ATG7: variants seen among roughly 807,000 people sequenced by gnomAD.
ATG7 encodes autophagy related 7, also known as ubiquitin-like modifier-activating enzyme ATG7.
A neutral mutation model predicts 82.4 loss-of-function variants in ATG7; 70 were observed. That is an observed-to-expected ratio of 0.85 (90% confidence interval 0.70 to 1.04). The LOEUF (loss-of-function observed/expected upper bound fraction) is 1.04. Among genes scored for constraint, ATG7 ranks in the 50% least tolerant of loss-of-function variants. The pLI, the probability that ATG7 is intolerant of heterozygous loss-of-function variation, is 0.00. For synonymous variants in ATG7, 287 were observed against 313.0 expected (o/e 0.92, Z 0.88); for missense variants, 792 against 864.3 (o/e 0.92, Z 1.05).
intron 9 of ATG7, among the ~76,000 whole-genome samples, chr3:11,321,026 A>G (rs1950146327): frequency 6.6e-6 from 1 of 152,220 alleles, no homozygotes; most frequent in South Asian, 2.1e-4. Context: ...TATGATCTGC[A>G]TGGCTGATTC....
In ATG7 at chr3:11,400,518, A is replaced by G. The variant is rs555431670; in HGVS notation, c.1956+20466A>G. On this transcript the variant is annotated intron_variant, in intron 19 of 20. Coordinates refer to ENST00000693202, the MANE Select transcript of ATG7 (RefSeq NM_001349232.2). ...AGACTACTGGGAATAACGTTGCCAT[A>G]TTTTCTGATTTTTTTTCCTTCGAAG... Among the ~76,000 whole-genome samples the G allele has an allele frequency of 3.4e-4, 51 of 152,186 alleles. 2 individuals carry two copies. The Middle Eastern group carries it at 0.02, about 61-fold the overall frequency.
chr3:11,482,429 C>T (rs1224106769), intron 20 of ATG7, among the ~76,000 whole-genome samples: 1 of 152,198 alleles, frequency 6.6e-6, no homozygotes, highest in Non-Finnish European at 1.5e-5. Context: ...AAGAAAGATG[C>T]TTATTACTAC....
intron 19 of ATG7, among the ~76,000 whole-genome samples, chr3:11,415,623 A>G (rs1345340261): frequency 6.6e-6 from 1 of 152,140 alleles, no homozygotes; most frequent in African/African-American, 2.4e-5. Flanking sequence ...GCCTACGCCT[A>G]CTCAGGGTCA....
At chr3:11,573,552 C>G in the ATG7 span, among the ~76,000 whole-genome samples, 1 of 152,290 alleles carries the variant, frequency 6.6e-6, no homozygotes, top group Admixed American at 6.5e-5. Context: ...ACTTTGCTGT[C>G]CCTCCGACGG....
At chr3:11,320,441 C>T (rs1950065656) in intron 9 of ATG7, among the ~76,000 whole-genome samples, 2 of 152,242 alleles carry the variant, frequency 1.3e-5, no homozygotes, top group African/African-American at 2.4e-5. Flanking sequence ...GCATACGCCA[C>T]CACACCTGGC....
At position 11,301,415 on chromosome 3, in the gene ATG7, C is replaced by T. The variant is rs181053845; in HGVS notation, c.215+1999C>T. 2.9e-3 allele frequency among the ~76,000 whole-genome samples: 446 copies of T among 152,246 alleles called. 2 individuals carry two copies. In the Middle Eastern group the frequency reaches 0.037, roughly 13 times the overall value. ...GGCTTTTGAAAGTGGCAATGGTCAA[C>T]TATTAGGATATTTAAAATAAAGTGT... is the stretch of plus-strand genomic sequence containing the variant. On this transcript the variant is annotated intron_variant, in intron 5 of 20. Coordinates refer to ENST00000693202, the MANE Select transcript of ATG7 (RefSeq NM_001349232.2).
chr3:11,422,740 C>CTTTTTTTTTTTT lies in ATG7; in HGVS notation c.1957-4046_1957-4035dup, dbSNP rs557755646. ...CCTCACTATGCTTAATCATTTCTAG[C>CTTTTTTTTTTTT]TTTTTTTTTTTTTTTTTTTTTTTTT... On this transcript the variant is annotated intron_variant, in intron 19 of 20. Coordinates refer to ENST00000693202, the MANE Select transcript of ATG7 (RefSeq NM_001349232.2). Among the ~76,000 whole-genome samples, 68 of 49,556 alleles carry CTTTTTTTTTTTT rather than the reference C, an allele frequency of 1.4e-3. 15 individuals carry two copies. Among genetic ancestry groups the CTTTTTTTTTTTT allele is most frequent in the African/African-American group, 3.2e-3 (32 of 9,876 alleles). The allele number at this position is 49,556 out of a possible 152,430, so 32.5% of individuals were successfully genotyped here. A position where few individuals can be genotyped will look rare whatever the true frequency, so the allele number is the denominator to read the frequency against.
At chr3:11,396,545 G>A (rs533780500) in intron 19 of ATG7, among the ~76,000 whole-genome samples, 3 of 152,228 alleles carry the variant, frequency 2.0e-5, no homozygotes, top group Admixed American at 6.5e-5. Flanking sequence ...TTAAGGCCGA[G>A]GTGGGCGGAT....
intron 19 of ATG7, among the ~76,000 whole-genome samples, chr3:11,389,772 C>T (rs947161012): frequency 1.3e-5 from 2 of 152,160 alleles, no homozygotes; most frequent in East Asian, 1.9e-4. Flanking sequence ...TGTGTTGAAT[C>T]GTAATCTGAA....
chr3:11,529,334 C>T (rs952270565), intron 20 of ATG7, among the ~76,000 whole-genome samples: 3 of 152,164 alleles, frequency 2.0e-5, no homozygotes, highest in South Asian at 2.1e-4. Flanking sequence ...ATTTAGGAAC[C>T]GTAACACAAG....
intron 20 of ATG7, among the ~76,000 whole-genome samples, chr3:11,533,539 T>TAAAAAAAAAAAAAAAAAAAA (rs66794993): frequency 7.9e-6 from 1 of 126,676 alleles, no homozygotes; most frequent in African/African-American, 3.0e-5. Flanking sequence ...CCCCTTCTGT[T>TAAAAAAAAAAAAAAAAAAAA]AAAAAAAAAA....
At chr3:11,559,666 G>A (rs1371121378), downstream of ATG7, among the ~76,000 whole-genome samples, 6 of 152,218 alleles carry the variant, frequency 3.9e-5, no homozygotes, top group Non-Finnish European at 7.3e-5. Context: ...GCCCTTGGTC[G>A]TGGCTGTTTG....
intron 3 of ATG7, among the ~76,000 whole-genome samples, chr3:11,287,305 G>A (rs945476388): frequency 1.3e-5 from 2 of 152,162 alleles, no homozygotes; most frequent in African/African-American, 4.8e-5. Flanking sequence ...GACAGGCGAG[G>A]CACCTCTGAG....
chr3:11,333,841 G>A (rs922512354), intron 11 of ATG7, among the ~76,000 whole-genome samples: 2 of 149,182 alleles, frequency 1.3e-5, no homozygotes, highest in Admixed American at 1.3e-4. Context: ...TCCGCCTCCC[G>A]GGTTCATGCC....
chr3:11,358,770 G>A (rs951528005), intron 15 of ATG7, among the ~76,000 whole-genome samples, 158 bp downstream of exon 15: 27 of 152,108 alleles, frequency 1.8e-4, no homozygotes, highest in African/African-American at 3.1e-4. Flanking sequence ...TCTTTGCCTC[G>A]CACACCATCA....
At chr3:11,442,746 A>C (rs1201076430) in intron 20 of ATG7, among the ~76,000 whole-genome samples, 33 of 135,532 alleles carry the variant, frequency 2.4e-4, no homozygotes, top group Middle Eastern at 3.5e-3. Flanking sequence ...CTACAAAAAA[A>C]AAAAAAAAAA....
chr3:11,417,805 A>ATTTTTTTTTTTTT lies in ATG7; in HGVS notation c.1957-8995_1957-8994insTTTTTTTTTTTTT, dbSNP rs200364263. Reference sequence around the variant, plus strand: ...AAAAAATTATTATTATTATTATTTTATTTTATTTTATTTTTTTTTTTTTTG... The same window carrying ATTTTTTTTTTTTT: ...AAAAAATTATTATTATTATTATTTTATTTTTTTTTTTTTTTTTATTTTATTTTTTTTTTTTTTG... On this transcript the variant is annotated intron_variant, in intron 19 of 20. Transcript: ENST00000693202. Among the ~76,000 whole-genome samples the ATTTTTTTTTTTTT allele has an allele frequency of 2.1e-4, 11 of 52,752 alleles. 1 individual carries two copies. Among genetic ancestry groups the ATTTTTTTTTTTTT allele is most frequent in the East Asian group, 1.5e-3 (3 of 2,048 alleles). The allele number at this position is 52,752 out of a possible 152,430, so 34.6% of individuals were successfully genotyped here. A position where few individuals can be genotyped will look rare whatever the true frequency, so the allele number is the denominator to read the frequency against.
At chr3:11,431,995 G>A (rs2082936048) in intron 20 of ATG7, among the ~76,000 whole-genome samples, 1 of 152,212 alleles carries the variant, frequency 6.6e-6, no homozygotes, top group African/African-American at 2.4e-5. Context: ...TGATTGCAAT[G>A]ATTTTGAACT....
intron 20 of ATG7, among the ~76,000 whole-genome samples, chr3:11,481,572 T>C (rs1037434457): frequency 6.6e-6 from 1 of 152,218 alleles, no homozygotes; most frequent in Non-Finnish European, 1.5e-5. Context: ...GTTAACAAAT[T>C]ATTATCCTTT....
Sources: allele counts gnomAD v4.1 joint callset (sites outside exome capture counted in the v4.1 genomes callset), GRCh38; gene constraint gnomAD v4.1.1; transcripts MANE v1.5; gene names NCBI Gene and HGNC (gene_info 2026-07-23, HGNC 2026-07-21).